The following ZBTB20 variants were observed in gnomAD, a reference collection of about 807,000 sequenced individuals.
ZBTB20 encodes zinc finger and BTB domain containing 20.
Under a neutral mutation model 56.9 loss-of-function variants are expected in ZBTB20, and 9 were observed. The ratio of observed to expected loss-of-function variants is 0.16; its 90% CI spans 0.10 to 0.28. ZBTB20 has a LOEUF of 0.28. Among genes scored for constraint, ZBTB20 ranks in the 10% least tolerant of loss-of-function variants. ZBTB20 has a pLI of 1.00. For synonymous variants in ZBTB20, 417 were observed against 420.7 expected, an observed-to-expected ratio of 0.99 and a Z score of 0.11; for missense variants, 655 against 1,003.0, an observed-to-expected ratio of 0.65 and a Z score of 4.69.
intron 7 of ZBTB20, among the ~76,000 whole-genome samples, chr3:114,479,722 A>T (rs1379319712): frequency 6.6e-6 from 1 of 152,224 alleles, no homozygotes; most frequent in Admixed American, 6.5e-5. Context: ...ACAGCCACAT[A>T]ATTTGTTTTG....
chr3:114,355,283 G>A (rs571751959), intron 10 of ZBTB20, among the ~76,000 whole-genome samples: 7 of 152,148 alleles, frequency 4.6e-5, no homozygotes, highest in South Asian at 2.1e-4. Flanking sequence ...AGACTCTTGC[G>A]ATAATATTGC....
intron 4 of ZBTB20, among the ~76,000 whole-genome samples, chr3:114,889,101 C>T (rs2076712419): frequency 6.6e-6 from 1 of 151,654 alleles, no homozygotes; most frequent in Non-Finnish European, 1.5e-5. Flanking sequence ...ATATTTTACA[C>T]AAATATGAAT....
At chr3:115,127,075 TG>T (rs1395816600) in intron 1 of ZBTB20, among the ~76,000 whole-genome samples, 1 of 152,144 alleles carries the variant, frequency 6.6e-6, no homozygotes, top group Non-Finnish European at 1.5e-5. Flanking sequence ...AGGTCTGAAG[TG>T]GAGTTTGAGA....
chr3:115,009,404 A>G (rs951963291), intron 2 of ZBTB20, among the ~76,000 whole-genome samples: 4 of 151,914 alleles, frequency 2.6e-5, no homozygotes, highest in African/African-American at 9.7e-5. Flanking sequence ...TTTCTCCTAC[A>G]TACCTATTCT....
intron 4 of ZBTB20, among the ~76,000 whole-genome samples, chr3:114,852,171 T>C (rs1362327056): frequency 1.3e-5 from 2 of 151,830 alleles, no homozygotes; most frequent in Non-Finnish European, 2.9e-5. Context: ...CTTCTTGTTC[T>C]CTCACAGACA....
At chr3:114,637,821 A>C (rs1203783920) in intron 6 of ZBTB20, among the ~76,000 whole-genome samples, 1 of 152,094 alleles carries the variant, frequency 6.6e-6, no homozygotes, top group African/African-American at 2.4e-5. Flanking sequence ...CTATAATTAG[A>C]GTATCCTATC....
intron 2 of ZBTB20, among the ~76,000 whole-genome samples, chr3:115,023,583 C>T (rs1560501481): frequency 1.3e-5 from 2 of 150,938 alleles, no homozygotes; most frequent in Non-Finnish European, 3.0e-5. Flanking sequence ...TTCTCTTTGA[C>T]AAATCCAAAC....
intron 1 of ZBTB20, among the ~76,000 whole-genome samples, chr3:115,108,477 T>C (rs757565495): frequency 1.3e-5 from 2 of 152,148 alleles, no homozygotes. Flanking sequence ...GTAGTGGGAA[T>C]TTCCCAATGT....
At chr3:114,729,669 T>C (rs899194701) in intron 5 of ZBTB20, among the ~76,000 whole-genome samples, 1 of 152,196 alleles carries the variant, frequency 6.6e-6, no homozygotes, top group Non-Finnish European at 1.5e-5. Flanking sequence ...TGCAATAATA[T>C]TAAATTTTTG....
intron 4 of ZBTB20, among the ~76,000 whole-genome samples, chr3:114,812,982 C>A (rs542363162): frequency 6.6e-6 from 1 of 151,228 alleles, no homozygotes; most frequent in East Asian, 1.9e-4. Flanking sequence ...CCACCCGGGA[C>A]TCGCGCTTGC....
At chr3:114,605,102 G>A (rs78446727) in intron 6 of ZBTB20, among the ~76,000 whole-genome samples, 4,003 of 152,124 alleles carry the variant, frequency 0.026, 223 homozygotes, top group Admixed American at 0.14. Flanking sequence ...TCATTAGGCA[G>A]ATGATGTATG....
chr3:114,395,946 A>G (rs1333958727), intron 7 of ZBTB20, among the ~76,000 whole-genome samples: 1 of 152,086 alleles, frequency 6.6e-6, no homozygotes, highest in African/African-American at 2.4e-5. Context: ...TAGCATTATC[A>G]GATACAGTTG....
At chr3:115,100,624 A>G in intron 1 of ZBTB20, 1 of 152,324 alleles carries the variant, frequency 6.6e-6, no homozygotes, top group East Asian at 1.9e-4. Flanking sequence ...GCTTGCAAAT[A>G]AACAGTTTAA....
chr3:114,788,890 G>C (rs2070745381), intron 5 of ZBTB20, among the ~76,000 whole-genome samples: 1 of 152,258 alleles, frequency 6.6e-6, no homozygotes, highest in African/African-American at 2.4e-5. Context: ...GCAGGCGAGA[G>C]AGTGTGTGTG....
At chr3:114,763,290 A>G (rs899462448) in intron 5 of ZBTB20, among the ~76,000 whole-genome samples, 6 of 152,210 alleles carry the variant, frequency 3.9e-5, no homozygotes, top group Non-Finnish European at 5.9e-5. Flanking sequence ...AAGGAGAAAA[A>G]TGTTTCTTGT....
intron 4 of ZBTB20, among the ~76,000 whole-genome samples, chr3:114,851,981 C>T (rs2075022183): frequency 6.6e-6 from 1 of 151,988 alleles, no homozygotes; most frequent in African/African-American, 2.4e-5. Flanking sequence ...TACGAGTTGC[C>T]AATCAAAATG....
chr3:114,799,919 C>T (rs1006019782), intron 5 of ZBTB20, among the ~76,000 whole-genome samples: 2 of 151,884 alleles, frequency 1.3e-5, no homozygotes, highest in Non-Finnish European at 2.9e-5. Context: ...TGTCTACTGT[C>T]AACACACAAG....
chr3:114,438,672 G>A (rs1458561917), intron 7 of ZBTB20, among the ~76,000 whole-genome samples: 1 of 152,100 alleles, frequency 6.6e-6, no homozygotes, highest in Admixed American at 6.6e-5. Flanking sequence ...ACTTTCAATT[G>A]GTATGCTAGG....
intron 6 of ZBTB20, among the ~76,000 whole-genome samples, chr3:114,526,024 A>C (rs1265590775): frequency 2.6e-5 from 4 of 152,178 alleles, no homozygotes; most frequent in Admixed American, 6.5e-5. Flanking sequence ...CAAGATCATC[A>C]TCCTCCTTGA....
Sources: allele counts gnomAD v4.1 joint callset (sites outside exome capture counted in the v4.1 genomes callset), GRCh38; gene constraint gnomAD v4.1.1; transcripts MANE v1.5; gene names NCBI Gene and HGNC (gene_info 2026-07-23, HGNC 2026-07-21).